CACNA2D2: variants seen among roughly 807,000 people sequenced by gnomAD.
CACNA2D2 encodes calcium voltage-gated channel auxiliary subunit alpha2delta 2.
Under a neutral mutation model 166.4 loss-of-function variants are expected in CACNA2D2, and 48 were observed. The observed-to-expected ratio is 0.29, with a 90% CI of 0.23 to 0.37. CACNA2D2 has a LOEUF of 0.37. Among genes scored for constraint, CACNA2D2 ranks in the 10% least tolerant of loss-of-function variants. The pLI is 1.00. For synonymous variants in CACNA2D2, 561 were observed against 573.7 expected (o/e 0.98, Z 0.32); for missense variants, 1,122 against 1,433.0 (o/e 0.78, Z 3.50).
At position 50,421,781 on chromosome 3, in the gene CACNA2D2, G is replaced by C. The variant is rs553747604; in HGVS notation, c.405+12532C>G. 1.6e-4 allele frequency among the ~76,000 whole-genome samples: 24 copies of C among 152,282 alleles called. No homozygotes were observed. The East Asian group carries it at 4.6e-3, about 29-fold the overall frequency. ...TCAAGCCCCTCAGAACTCTGGCCAG[G>C]AACATGATGCTACACTTGCACCAGG... On this transcript the variant is annotated intron_variant, in intron 3 of 37. Transcript: ENST00000424201.
chr3:50,377,393 A>G, intron 17 of CACNA2D2, 74 bp downstream of exon 17: 1 of 1,247,784 alleles, frequency 8.0e-7, no homozygotes, highest in Non-Finnish European at 1.2e-6. Flanking sequence ...TGTAATACCC[A>G]TCAGTCTTCT....
chr3:50,431,148 T>C (rs1708042467), intron 3 of CACNA2D2, among the ~76,000 whole-genome samples: 1 of 152,126 alleles, frequency 6.6e-6, no homozygotes, highest in Non-Finnish European at 1.5e-5. Context: ...AGAGGAACAA[T>C]GTAGTGGGGG....
Position 50,367,592 on chromosome 3 carries a change from G to A in CACNA2D2, c.2297+50C>T. 1 of 1,606,740 alleles carries A rather than the reference G, an allele frequency of 6.2e-7. No individual in the cohort carries two copies. Among genetic ancestry groups the A allele is most frequent in the Non-Finnish European group, 8.5e-7 (1 of 1,173,930 alleles). On this transcript the variant is annotated intron_variant, in intron 26 of 37. Coordinates refer to ENST00000424201, the MANE Select transcript of CACNA2D2 (RefSeq NM_006030.4). This position sits in a 1 kb window ranked among gnomAD's most constrained non-coding sequence, Gnocchi z 6.5. ...AAGGAGGCCTCTGGGCAGAACAGAT[G>A]CAGGTTCCCTGGCAGGGGCAGGGTT... is the stretch of plus-strand genomic sequence containing the variant.
intron 2 of CACNA2D2, among the ~76,000 whole-genome samples, chr3:50,437,397 G>A (rs997648716): frequency 6.6e-6 from 1 of 152,184 alleles, no homozygotes; most frequent in Non-Finnish European, 1.5e-5. Context: ...TGGGCTGGAA[G>A]GGGTTTCTGC....
In CACNA2D2 at chr3:50,364,674, G is replaced by C. The variant is rs376300457; in HGVS notation, c.3424C>G (p.Arg1142Gly). The C allele has an allele frequency of 6.5e-7, 1 of 1,529,404 alleles. No homozygotes were observed. Among genetic ancestry groups the C allele is most frequent in the Non-Finnish European group, 8.8e-7 (1 of 1,136,408 alleles). 94.7% of individuals were successfully genotyped at this position (1,529,404 alleles called of 1,614,324 possible). Reference protein sequence around the residue: ...QPQVLVHASRRL With the variant: ...QPQVLVHASRGL ...GGGGTGGGGCAGGGTGCTCAGAGGC[G>C]GCGAGAGGCGTGGACGAGGACTTGA... Residue 1142 changes from arginine to glycine, a missense_variant, in exon 38 of 38, where the codon CGC becomes GGC. This residue lies in a region of CACNA2D2 where 282 missense variants were observed against 266.2 expected (regional missense o/e 1.06). Coordinates refer to ENST00000424201, the MANE Select transcript of CACNA2D2 (RefSeq NM_006030.4).
At chr3:50,465,655 AT>A (rs1243245747) in intron 2 of CACNA2D2, among the ~76,000 whole-genome samples, 2 of 152,158 alleles carry the variant, frequency 1.3e-5, no homozygotes, top group Non-Finnish European at 2.9e-5. Context: ...GCTGGGGAGC[AT>A]GGGGGACCCT....
At chr3:50,442,622 G>T (rs748200270) in intron 2 of CACNA2D2, among the ~76,000 whole-genome samples, 27 of 152,316 alleles carry the variant, frequency 1.8e-4, no homozygotes, top group Non-Finnish European at 3.8e-4. Context: ...ACAGAGCAGA[G>T]AATCTGAGGC....
At chr3:50,492,282 C>T (rs983905527) in intron 1 of CACNA2D2, among the ~76,000 whole-genome samples, 2 of 152,268 alleles carry the variant, frequency 1.3e-5, no homozygotes, top group African/African-American at 4.8e-5. Context: ...CCCACTCATG[C>T]CAGCACTATC....
intron 2 of CACNA2D2, among the ~76,000 whole-genome samples, chr3:50,449,407 C>T (rs1709003905): frequency 6.6e-6 from 1 of 152,286 alleles, no homozygotes; most frequent in South Asian, 2.1e-4. Flanking sequence ...TGAGCAGTCG[C>T]CCAGGAGAGC....
In CACNA2D2 at chr3:50,395,674, G is replaced by A. The variant is rs369315001; in HGVS notation, c.406-1506C>T. Among the ~76,000 whole-genome samples, 18 of 152,332 alleles carry A rather than the reference G, an allele frequency of 1.2e-4. No homozygotes were observed. The East Asian group carries it at 3.3e-3, about 28-fold the overall frequency. On this transcript the variant is annotated intron_variant, in intron 3 of 37. Transcript: ENST00000424201. ...AAGTGGAAGTCAGGTCATGGAGGCC[G>A]GCATTTCCTCCTCTGAAGCATGGAC...
At chr3:50,494,803 T>C (rs926606503) in intron 1 of CACNA2D2, among the ~76,000 whole-genome samples, 1 of 151,846 alleles carries the variant, frequency 6.6e-6, no homozygotes, top group Non-Finnish European at 1.5e-5. Context: ...ACCTCCTGAG[T>C]AGCTGAGACC....
chr3:50,496,217 T>TC (rs1698715770), intron 1 of CACNA2D2, among the ~76,000 whole-genome samples: 1 of 152,112 alleles, frequency 6.6e-6, no homozygotes, highest in African/African-American at 2.4e-5. Flanking sequence ...CTACATAGGC[T>TC]CCCAAGCACA....
chr3:50,502,810 G>A (rs1025238308), intron 1 of CACNA2D2, among the ~76,000 whole-genome samples: 5 of 152,270 alleles, frequency 3.3e-5, no homozygotes, highest in African/African-American at 9.6e-5. Context: ...CCACCAGGGA[G>A]GGAACGTGGG....
At position 50,413,996 on chromosome 3, in the gene CACNA2D2, A is replaced by G. The variant is rs551196517; in HGVS notation, c.406-19828T>C. 8.7e-5 allele frequency among the ~76,000 whole-genome samples: 13 copies of G among 149,516 alleles called. No homozygotes were observed. In the South Asian group the frequency reaches 2.4e-3, roughly 27 times the overall value. On this transcript the variant is annotated intron_variant, in intron 3 of 37. Transcript: ENST00000424201. ...ACCTGGGACATCCCTAAAGTAGCTG[A>G]GCCAGTCTTGGCCCATTCCTTCTGA... is the stretch of plus-strand genomic sequence containing the variant.
chr3:50,365,118 G>A lies in CACNA2D2; in HGVS notation c.3165C>T (p.Cys1055=), dbSNP rs764615718. Residue 1055 remains cysteine, a synonymous_variant, in exon 36 of 38, where the codon TGC becomes TGT. Transcript: ENST00000424201. The surrounding 1 kb of genome is among the most constrained non-coding windows in gnomAD (Gnocchi z 4.5). ...LLFVVAEKPL[C]SQCEAGRLLQ... is the part of the protein sequence containing the mutation. Reference sequence around the variant, plus strand: ...GCAGCCGGCCAGCCTCGCACTGGCTGCACAGCGGCTTCTCGGCCACCACAA... The same window carrying A: ...GCAGCCGGCCAGCCTCGCACTGGCTACACAGCGGCTTCTCGGCCACCACAA... The A allele has an allele frequency of 1.2e-6, 2 of 1,612,112 alleles. No individual in the cohort carries two copies. Among genetic ancestry groups the A allele is most frequent in the Non-Finnish European group, 1.7e-6 (2 of 1,179,712 alleles).
At chr3:50,479,864 C>T (rs1277394769) in intron 1 of CACNA2D2, among the ~76,000 whole-genome samples, 1 of 152,244 alleles carries the variant, frequency 6.6e-6, no homozygotes, top group Admixed American at 6.5e-5. Context: ...GGTGGACCTG[C>T]TGGCTCCCCA....
chr3:50,428,894 G>A (rs1049278746), intron 3 of CACNA2D2, among the ~76,000 whole-genome samples: 1 of 152,214 alleles, frequency 6.6e-6, no homozygotes, highest in African/African-American at 2.4e-5. Flanking sequence ...GCAGTGGCTG[G>A]GGAGCCATTT....
rs760668761 is a variant in CACNA2D2, at chr3:50,502,743, G to A, written c.206+475C>T. 4.6e-4 allele frequency among the ~76,000 whole-genome samples: 70 copies of A among 152,332 alleles called. No individual in the cohort carries two copies. In the Middle Eastern group the frequency reaches 0.01, roughly 22 times the overall value. ...ATACAGCTCCCCACTAAAGGAAAAGGCCCTTGAAGGCAGGTGTGGAGATGT... is the reference window on the plus strand; with the variant it reads ...ATACAGCTCCCCACTAAAGGAAAAGACCCTTGAAGGCAGGTGTGGAGATGT... On this transcript the variant is annotated intron_variant, in intron 1 of 37. Coordinates refer to ENST00000424201, the MANE Select transcript of CACNA2D2 (RefSeq NM_006030.4).
chr3:50,488,879 T>C (rs1163935280), intron 1 of CACNA2D2, among the ~76,000 whole-genome samples: 7 of 151,984 alleles, frequency 4.6e-5, no homozygotes, highest in African/African-American at 1.7e-4. Flanking sequence ...TTTTTGTATT[T>C]TTAGTAGAGA....
Sources: gnomAD v4.1 joint callset for allele counts (sites outside exome capture counted in the v4.1 genomes callset) on GRCh38, gnomAD v4.1.1 for gene constraint, gnomAD v4.1.1 regional missense constraint, Gnocchi (gnomAD v3.1) non-coding constraint, MANE v1.5 for transcripts, NCBI Gene and HGNC (gene_info 2026-07-23, HGNC 2026-07-21) for gene names.